GARIN5B: variants seen among roughly 807,000 people sequenced by gnomAD.
The protein encoded by GARIN5B is Golgi-associated RAB2 interactor protein 5B.
the GARIN5B span, chr19:55,362,273 T>C: frequency 1.2e-5 from 19 of 1,542,340 alleles, no homozygotes; most frequent in South Asian, 2.4e-5. Context: ...GGCAGGCGCT[T>C]CGGCCAGCGG....
At chr19:55,356,691 G>A in the GARIN5B span, among the ~76,000 whole-genome samples, 11 of 152,000 alleles carry the variant, frequency 7.2e-5, no homozygotes, top group African/African-American at 2.4e-4. Flanking sequence ...GTGGCATTCG[G>A]CACATTCACA....
chr19:55,360,402 C>CT, the GARIN5B span, among the ~76,000 whole-genome samples: 1 of 60,016 alleles, frequency 1.7e-5, no homozygotes, highest in Non-Finnish European at 3.4e-5. Context: ...CCCTCAGACT[C>CT]AGGAGTCCAG....
chr19:55,359,285 T>A, the GARIN5B span: 1 of 1,551,098 alleles, frequency 6.4e-7, no homozygotes, highest in Non-Finnish European at 8.7e-7. Flanking sequence ...GAGTAGAGAT[T>A]TCTTCTTTGG....
At chr19:55,359,825 A>C in the GARIN5B span, 2 of 1,551,332 alleles carry the variant, frequency 1.3e-6, no homozygotes, top group Admixed American at 3.9e-5. Flanking sequence ...CCCAGAGTCC[A>C]TGAGGTCTTC....
At chr19:55,355,069 A>C in the GARIN5B span, 3 of 331,580 alleles carry the variant, frequency 9.0e-6, no homozygotes, top group Admixed American at 4.4e-5. Flanking sequence ...CGCTTCCTAC[A>C]GTCGGTGCGC....
chr19:55,361,136 G>C, the GARIN5B span: 1 of 1,551,188 alleles, frequency 6.4e-7, no homozygotes, highest in Admixed American at 2.0e-5. Flanking sequence ...GGTTAGACAG[G>C]GGCAGCCCCT....
chr19:55,359,433 A>G, the GARIN5B span: 5 of 1,548,320 alleles, frequency 3.2e-6, no homozygotes, highest in East Asian at 2.4e-5. Flanking sequence ...GCCTTCCGGG[A>G]TGGAGCAGGT....
the GARIN5B span, chr19:55,359,574 G>A: frequency 3.9e-6 from 6 of 1,551,146 alleles, no homozygotes; most frequent in South Asian, 7.1e-5. Flanking sequence ...CCAGGTGGGG[G>A]TTTCCACGAT....
At chr19:55,359,195 C>T in the GARIN5B span, 23 of 1,551,326 alleles carry the variant, frequency 1.5e-5, no homozygotes, top group Non-Finnish European at 2.0e-5. Flanking sequence ...AGGGAGCTTC[C>T]CCCGTGAGGC....
the GARIN5B span, chr19:55,360,983 C>A: frequency 1.3e-6 from 2 of 1,549,736 alleles, no homozygotes; most frequent in African/African-American, 2.7e-5. Context: ...CCACCGGCAA[C>A]AAGACCCCAC....
the GARIN5B span, among the ~76,000 whole-genome samples, chr19:55,356,863 C>T: frequency 2.0e-5 from 3 of 151,932 alleles, no homozygotes; most frequent in Non-Finnish European, 4.4e-5. Flanking sequence ...CCAGCCTGGC[C>T]AACATGGTGA....
the GARIN5B span, chr19:55,358,585 C>A: frequency 9.7e-6 from 15 of 1,551,226 alleles, no homozygotes; most frequent in Non-Finnish European, 1.2e-5. Context: ...CCCAGGTGTG[C>A]GACTCTGGCT....
At chr19:55,360,536 C>G in the GARIN5B span, among the ~76,000 whole-genome samples, 1 of 149,600 alleles carries the variant, frequency 6.7e-6, no homozygotes, top group African/African-American at 2.5e-5. Context: ...GCAGTTCCTC[C>G]TCCCTCAGAC....
the GARIN5B span, chr19:55,355,121 C>T: frequency 1.7e-5 from 7 of 416,896 alleles, no homozygotes; most frequent in African/African-American, 1.2e-4. Flanking sequence ...GAAAGAGCAG[C>T]GGTGGGGTCC....
chr19:55,357,086 C>T, the GARIN5B span, among the ~76,000 whole-genome samples: 4 of 152,062 alleles, frequency 2.6e-5, no homozygotes, highest in Non-Finnish European at 1.5e-5. Flanking sequence ...GGGGAGAGGA[C>T]CTCCAACCCA....
At chr19:55,362,839 C>T in the GARIN5B span, 1 of 1,471,140 alleles carries the variant, frequency 6.8e-7, no homozygotes, top group Non-Finnish European at 9.1e-7. Flanking sequence ...AATCCCGTTC[C>T]CTCTCAAGAT....
At chr19:55,362,472 C>T in the GARIN5B span, 65 of 1,547,236 alleles carry the variant, frequency 4.2e-5, 1 homozygote, top group Middle Eastern at 6.7e-4. Flanking sequence ...AGGTCATGGA[C>T]GCAGAGGTGG....
chr19:55,361,296 C>G, the GARIN5B span: 1 of 1,543,584 alleles, frequency 6.5e-7, no homozygotes, highest in Non-Finnish European at 8.8e-7. Context: ...CGAGGACCTA[C>G]CCCAGGAGCT....
the GARIN5B span, among the ~76,000 whole-genome samples, chr19:55,355,719 C>T: frequency 5.9e-5 from 9 of 152,158 alleles, no homozygotes; most frequent in African/African-American, 1.9e-4. Flanking sequence ...GGTGCGGTGG[C>T]TCATGCCTGT....
Sources: allele counts gnomAD v4.1 joint callset (sites outside exome capture counted in the v4.1 genomes callset), GRCh38; gene constraint gnomAD v4.1.1; transcripts MANE v1.5; gene names NCBI Gene and HGNC (gene_info 2026-07-23, HGNC 2026-07-21).